BCAS3: variants seen among roughly 807,000 people sequenced by gnomAD.
BCAS3 encodes the protein BCAS3 microtubule associated cell migration factor.
BCAS3 carries 53 observed loss-of-function variants against 116.1 expected under a neutral mutation model. The ratio of observed to expected loss-of-function variants is 0.46; its 90% CI spans 0.37 to 0.57. The LOEUF is 0.57. Among genes scored for constraint, BCAS3 ranks in the 20% least tolerant of loss-of-function variants. The pLI, the probability that BCAS3 is intolerant of heterozygous loss-of-function variation, is 0.00. For synonymous variants in BCAS3, 391 were observed against 408.2 expected (o/e 0.96, Z 0.51); for missense variants, 917 against 1,165.4 (o/e 0.79, Z 3.10).
In BCAS3 at chr17:61,380,634, A is replaced by G; in HGVS notation, c.2594-11343A>G. On this transcript the variant is annotated intron_variant, in intron 23 of 23. Coordinates refer to ENST00000407086, the MANE Select transcript of BCAS3 (RefSeq NM_017679.5). The surrounding 1 kb of genome is among the most constrained non-coding windows in gnomAD (Gnocchi z 4.2). ...TGTCCCGTTGCTTCTTTTGTCCCTC[A>G]AGAGGGTGCCCTCCTACCCCCTCGT... 6.6e-7 allele frequency: 1 copy of G among 1,512,588 alleles called. No homozygotes were observed. The highest frequency in any genetic ancestry group is 2.3e-5 in the East Asian group (1 of 44,126). The allele number at this position is 1,512,588 out of a possible 1,614,324, so 93.7% of individuals were successfully genotyped here. A position where few individuals can be genotyped will look rare whatever the true frequency, so the allele number is the denominator to read the frequency against.
At chr17:60,773,532 A>G (rs1160550100) in intron 6 of BCAS3, among the ~76,000 whole-genome samples, 1 of 152,052 alleles carries the variant, frequency 6.6e-6, no homozygotes, top group Admixed American at 6.6e-5. Flanking sequence ...GACTCAAACC[A>G]TCTGCCTATC....
At chr17:60,881,768 A>G (rs1004481752) in intron 9 of BCAS3, among the ~76,000 whole-genome samples, 1 of 150,642 alleles carries the variant, frequency 6.6e-6, no homozygotes, top group African/African-American at 2.5e-5. Flanking sequence ...AAGGACATGA[A>G]CTCATCATTT....
intron 7 of BCAS3, among the ~76,000 whole-genome samples, chr17:60,866,612 A>G (rs765782181): frequency 2.6e-5 from 4 of 152,150 alleles, no homozygotes; most frequent in Non-Finnish European, 4.4e-5. Flanking sequence ...GATAGGTATA[A>G]TTTTTTGTTT....
intron 22 of BCAS3, among the ~76,000 whole-genome samples, chr17:61,267,508 C>T (rs549414645): frequency 4.0e-5 from 6 of 151,382 alleles, no homozygotes; most frequent in East Asian, 4.0e-4. Context: ...GAAGCCAAGG[C>T]GGGCGGATTG....
At chr17:60,737,186 T>C (rs2144200762) in intron 5 of BCAS3, among the ~76,000 whole-genome samples, 1 of 152,184 alleles carries the variant, frequency 6.6e-6, no homozygotes, top group South Asian at 2.1e-4. Flanking sequence ...ATGATTCACC[T>C]GCCTCGGCCT....
At chr17:60,886,607 G>A (rs1289694153) in intron 9 of BCAS3, 1 of 150,438 alleles carries the variant, frequency 6.6e-6, no homozygotes, top group African/African-American at 2.4e-5. Flanking sequence ...TGATGGTGAT[G>A]TACAGATGGG....
Position 61,244,629 on chromosome 17 carries a change from C to G in BCAS3, c.2426-123698C>G, listed in dbSNP as rs1250878317. Among the ~76,000 whole-genome samples the G allele has an allele frequency of 6.6e-6, 1 of 152,116 alleles. No individual in the cohort carries two copies. Among genetic ancestry groups the G allele is most frequent in the Non-Finnish European group, 1.5e-5 (1 of 68,018 alleles). On this transcript the variant is annotated intron_variant, in intron 22 of 23. Coordinates refer to ENST00000407086, the MANE Select transcript of BCAS3 (RefSeq NM_017679.5). The surrounding 1 kb of genome is among the most constrained non-coding windows in gnomAD (Gnocchi z 4.9). ...CTGTAATCCCAGCACTTTGGGAGGC[C>G]AAAGCGGGCGGATCACGAGGTCAGG...
rs2068036112 is a variant in BCAS3 at position 61,045,864 on chromosome 17, TAAA to T, written c.2029+4973_2029+4975del. 9.5e-5 allele frequency among the ~76,000 whole-genome samples: 3 copies of T among 31,454 alleles called. No homozygotes were observed. In the African/African-American group the frequency reaches 1.3e-3, roughly 13 times the overall value. The allele number at this position is 31,454 out of a possible 152,430, so 20.6% of individuals were successfully genotyped here. On this transcript the variant is annotated intron_variant, in intron 19 of 23. Coordinates refer to ENST00000407086, the MANE Select transcript of BCAS3 (RefSeq NM_017679.5). ...CTCTCTCTCTCTATATATATATATA[TAAA>T]TATATATAAATATATATTATATATA...
chr17:60,778,823 G>C (rs531123728), intron 6 of BCAS3, among the ~76,000 whole-genome samples: 2 of 152,228 alleles, frequency 1.3e-5, no homozygotes, highest in East Asian at 3.9e-4. Flanking sequence ...TATTCTTTTG[G>C]TTGAGTGTTT....
chr17:60,931,635 GAAGTCT>G (rs2059651013), intron 13 of BCAS3, among the ~76,000 whole-genome samples: 1 of 152,076 alleles, frequency 6.6e-6, no homozygotes, highest in Admixed American at 6.6e-5. Context: ...TATCATTTAA[GAAGTCT>G]TCCCTGAGTC....
chr17:60,924,587 T>C (rs2059275481), intron 13 of BCAS3, 87 bp downstream of exon 13: 1 of 994,616 alleles, frequency 1.0e-6, no homozygotes, highest in Non-Finnish European at 1.5e-6. Flanking sequence ...ATATGGAATC[T>C]GACTTTTCTT....
chr17:61,127,357 G>A (rs1029114066), intron 22 of BCAS3, among the ~76,000 whole-genome samples: 13 of 151,458 alleles, frequency 8.6e-5, no homozygotes, highest in African/African-American at 2.7e-4. Flanking sequence ...GTGTTTTCTC[G>A]TGTAAGTGAG....
Position 61,040,864 on chromosome 17 carries a change from A to G in BCAS3, c.2001A>G (p.Val667=), listed in dbSNP as rs751278876. The change falls in exon 19 of 24, where the codon GTA becomes GTG. Residue 667 remains valine, a synonymous_variant. Transcript: ENST00000407086. The stretch of plus-strand genomic sequence containing the variant: ...CTCTGCTCCTCGCTGCAGATGCAGT[A>G]CAGTATTATCAGTTCCTGCTTGCTG... ...NHPLLLAADA[V]QYYQFLLAGL... 2.2e-5 allele frequency: 35 copies of G among 1,613,958 alleles called. No individual in the cohort carries two copies. Among genetic ancestry groups the G allele is most frequent in the Non-Finnish European group, 1.9e-5 (23 of 1,179,978 alleles).
intron 2 of BCAS3, among the ~76,000 whole-genome samples, chr17:60,682,763 C>T (rs2033368334): frequency 6.6e-6 from 1 of 152,112 alleles, no homozygotes; most frequent in South Asian, 2.1e-4. Flanking sequence ...CTCAAGTGAT[C>T]CACTCGCCTC....
In BCAS3 at chr17:61,198,145, C is replaced by A. The variant is rs8075577; in HGVS notation, c.2425+113581C>A. 3.4e-4 allele frequency among the ~76,000 whole-genome samples: 40 copies of A among 118,456 alleles called. No individual in the cohort carries two copies. Among genetic ancestry groups the A allele is most frequent in the Non-Finnish European group, 5.7e-4 (31 of 54,272 alleles). 77.7% of individuals were successfully genotyped at this position (118,456 alleles called of 152,430 possible). On this transcript the variant is annotated intron_variant, in intron 22 of 23. Coordinates refer to ENST00000407086, the MANE Select transcript of BCAS3 (RefSeq NM_017679.5). The surrounding 1 kb of genome is among the most constrained non-coding windows in gnomAD (Gnocchi z 5.0). ...AGTGCAAGATATGTTTTTTTTTTTT[C>A]TTTTTTTTTTTTTGAGACGGAGTCT...
rs990355902 is a variant in BCAS3 at position 60,854,380 on chromosome 17, G to A, written c.477-14196G>A. 3.3e-5 allele frequency among the ~76,000 whole-genome samples: 5 copies of A among 152,138 alleles called. No individual in the cohort carries two copies. The East Asian group carries it at 5.8e-4, about 18-fold the overall frequency. ...ACATACGTGTGCATGTGTCTTTATA[G>A]CAGTATGATTTATAATCCTTTGGGT... On this transcript the variant is annotated intron_variant, in intron 7 of 23. Transcript: ENST00000407086.
rs915778444 is a variant in BCAS3, at chr17:61,083,960, T to C, written c.2328-507T>C. Among the ~76,000 whole-genome samples the C allele has an allele frequency of 5.9e-5, 9 of 152,182 alleles. No individual in the cohort carries two copies. Among genetic ancestry groups the C allele is most frequent in the Admixed American group, 2.0e-4 (3 of 15,286 alleles). On this transcript the variant is annotated intron_variant, in intron 21 of 23. Transcript: ENST00000407086. The surrounding 1 kb of genome is among the most constrained non-coding windows in gnomAD (Gnocchi z 4.9). ...CCCCGGCCACAGTACATCTTTGTTA[T>C]CCTATGCTTACTGTCAGATATAAAG...
chr17:61,285,307 C>T lies in BCAS3; in HGVS notation c.2426-83020C>T, dbSNP rs752843575. Among the ~76,000 whole-genome samples the T allele has an allele frequency of 1.6e-4, 24 of 151,832 alleles. No homozygotes were observed. Among genetic ancestry groups the T allele is most frequent in the Non-Finnish European group, 2.9e-4 (20 of 68,022 alleles). ...AAGGGGAAACAAATACAACAGTGCA[C>T]GGCAGAGTCCCTGCTAATAAATGTA... On this transcript the variant is annotated intron_variant, in intron 22 of 23. Coordinates refer to ENST00000407086, the MANE Select transcript of BCAS3 (RefSeq NM_017679.5). The surrounding 1 kb of genome is among the most constrained non-coding windows in gnomAD (Gnocchi z 5.4).
chr17:60,956,730 A>G lies in BCAS3; in HGVS notation c.1221+9378A>G, dbSNP rs2061153055. 6.6e-6 allele frequency among the ~76,000 whole-genome samples: 1 copy of G among 152,112 alleles called. No homozygotes were observed. The highest frequency in any genetic ancestry group is 6.5e-5 in the Admixed American group (1 of 15,270). ...TTTAAATGATTATGCTCTAGAACAC[A>G]CTCTGTATGGGAGACTGGGAATTTC... On this transcript the variant is annotated intron_variant, in intron 14 of 23. Transcript: ENST00000407086. This position sits in a 1 kb window ranked among gnomAD's most constrained non-coding sequence, Gnocchi z 4.2.
Sources: gnomAD v4.1 joint callset for allele counts (sites outside exome capture counted in the v4.1 genomes callset) on GRCh38, gnomAD v4.1.1 for gene constraint, Gnocchi (gnomAD v3.1) non-coding constraint, MANE v1.5 for transcripts, NCBI Gene and HGNC (gene_info 2026-07-23, HGNC 2026-07-21) for gene names.